The following SH3BP2 variants were observed in gnomAD, a reference collection of about 807,000 sequenced individuals.
SH3BP2 encodes SH3 domain binding protein 2, also known as SH3 domain-binding protein 2.
Under a neutral mutation model 56.2 loss-of-function variants are expected in SH3BP2, and 38 were observed. The ratio of observed to expected loss-of-function variants is 0.68; its 90% CI spans 0.52 to 0.89. The LOEUF is 0.89. SH3BP2 is among the 40% of genes least tolerant of loss of function. The probability of loss-of-function intolerance (pLI) is 0.00; values close to 1 mark genes in which losing one functional copy is unlikely to be tolerated. For synonymous variants in SH3BP2, 346 were observed against 316.7 expected (o/e 1.09, Z -0.98); for missense variants, 748 against 762.6 (o/e 0.98, Z 0.23).
At chr4:2,800,555 C>CA (rs199749118) in intron 1 of SH3BP2, among the ~76,000 whole-genome samples, 52 of 151,768 alleles carry the variant, frequency 3.4e-4, no homozygotes, top group African/African-American at 1.2e-3. Flanking sequence ...GACCGCCCCC[C>CA]CCCCGGGCTG....
chr4:2,818,192 A>G, intron 1 of SH3BP2: 1 of 986,138 alleles, frequency 1.0e-6, no homozygotes. Context: ...AGAGGGGAGG[A>G]GCCGGCGGCT....
At chr4:2,794,465 G>T (rs1349126658) in intron 1 of SH3BP2, among the ~76,000 whole-genome samples, 1 of 152,238 alleles carries the variant, frequency 6.6e-6, no homozygotes, top group Non-Finnish European at 1.5e-5. Context: ...CTCCTGGCAG[G>T]ACAGGAGGCC....
intron 3 of SH3BP2, chr4:2,823,646 G>C: frequency 2.6e-6 from 1 of 389,480 alleles, no homozygotes; most frequent in South Asian, 1.8e-5. Flanking sequence ...CCCACACAAA[G>C]GGTTAATGCT....
chr4:2,836,053 C>T lies in SH3BP2; in HGVS notation c.*2219C>T, dbSNP rs1725221469. Reference sequence around the variant, plus strand: ...TGCTTTATGTCACTTACACGGTCACCTGGAGCCGGCTCAAGTGGCTAAAGC... The same window carrying T: ...TGCTTTATGTCACTTACACGGTCACTTGGAGCCGGCTCAAGTGGCTAAAGC... On this transcript the variant is annotated 3_prime_UTR_variant, in exon 13 of 13. Transcript: ENST00000503393. 6.6e-6 allele frequency: 1 copy of T among 152,232 alleles called. No individual in the cohort carries two copies. Among genetic ancestry groups the T allele is most frequent in the Non-Finnish European group, 1.5e-5 (1 of 68,078 alleles). 9.4% of individuals were successfully genotyped at this position (152,232 alleles called of 1,614,324 possible).
chr4:2,813,748 T>C (rs1216747308), intron 1 of SH3BP2, among the ~76,000 whole-genome samples: 1 of 152,054 alleles, frequency 6.6e-6, no homozygotes, highest in African/African-American at 2.4e-5. Context: ...TGGGTGTGAG[T>C]GTGCACGTAT....
intron 11 of SH3BP2, among the ~76,000 whole-genome samples, chr4:2,832,675 C>T (rs886320460): frequency 3.9e-5 from 6 of 152,204 alleles, no homozygotes; most frequent in Non-Finnish European, 8.8e-5. Flanking sequence ...TGGCGGAGGC[C>T]ACATGGGGCA....
intron 8 of SH3BP2, 70 bp downstream of exon 8, chr4:2,830,217 C>CT: frequency 1.4e-6 from 2 of 1,391,780 alleles, no homozygotes; most frequent in Non-Finnish European, 1.9e-6. Flanking sequence ...CTGACGGGCA[C>CT]TCTGCCCACC....
intron 1 of SH3BP2, among the ~76,000 whole-genome samples, chr4:2,813,887 A>T (rs2108716232): frequency 6.6e-6 from 1 of 152,280 alleles, no homozygotes; most frequent in Middle Eastern, 3.4e-3. Flanking sequence ...GTGTGACAGG[A>T]TGCGCATATA....
In SH3BP2 at chr4:2,829,123, T is replaced by G. The variant is rs1399994811; in HGVS notation, c.587-370T>G. On this transcript the variant is annotated intron_variant, in intron 7 of 12. Transcript: ENST00000503393. The surrounding 1 kb of genome is among the most constrained non-coding windows in gnomAD (Gnocchi z 4.9). ...TTCACCTTCCTCCCAGCTGCTCCCC[T>G]CCCCTGTCCTTGGGAATTCCGTCCT... Among the ~76,000 whole-genome samples, 1 of 152,092 alleles carries G rather than the reference T, an allele frequency of 6.6e-6. No homozygotes were observed. The highest frequency in any genetic ancestry group is 2.4e-5 in the African/African-American group (1 of 41,406).
chr4:2,833,855 A>C lies in SH3BP2; in HGVS notation c.*21A>C. 3 of 1,547,162 alleles carry C rather than the reference A, an allele frequency of 1.9e-6. No individual in the cohort carries two copies. The highest frequency in any genetic ancestry group is 2.6e-6 in the Non-Finnish European group (3 of 1,147,358). ...GGTGATGGCAGTCCATGTGGCTGCC[A>C]GGCCAAGGCAGTCACAGGGGCCCTG... On this transcript the variant is annotated 3_prime_UTR_variant, in exon 13 of 13. Transcript: ENST00000503393.
Position 2,833,907 on chromosome 4 carries a change from G to C in SH3BP2, c.*73G>C. On this transcript the variant is annotated 3_prime_UTR_variant, in exon 13 of 13. Transcript: ENST00000503393. Reference sequence around the variant, plus strand: ...CCCCAGGCCACACAGACGGACATGGGCCCACATGGGAGGGTGAGCAGGAGC... The same window carrying C: ...CCCCAGGCCACACAGACGGACATGGCCCCACATGGGAGGGTGAGCAGGAGC... 6.7e-7 allele frequency: 1 copy of C among 1,482,158 alleles called. No homozygotes were observed. The highest frequency in any genetic ancestry group is 9.0e-7 in the Non-Finnish European group (1 of 1,109,052). 91.8% of individuals were successfully genotyped at this position (1,482,158 alleles called of 1,614,324 possible). A position where few individuals can be genotyped will look rare whatever the true frequency, so the allele number is the denominator to read the frequency against.
intron 1 of SH3BP2, among the ~76,000 whole-genome samples, chr4:2,819,457 T>C (rs1724185107): frequency 6.6e-6 from 1 of 152,104 alleles, no homozygotes. Context: ...TTTATGTATG[T>C]TTTTTGGGGT....
At chr4:2,806,729 C>G (rs1723550363) in intron 1 of SH3BP2, among the ~76,000 whole-genome samples, 2 of 152,264 alleles carry the variant, frequency 1.3e-5, no homozygotes, top group Admixed American at 1.3e-4. Context: ...CTAGGGCAAC[C>G]CTCTTCCAGG....
At chr4:2,825,103 AC>A (rs1724527801) in intron 4 of SH3BP2, 22 bp from the exon 5 acceptor site, 2 of 1,557,374 alleles carry the variant, frequency 1.3e-6, no homozygotes, top group Non-Finnish European at 1.7e-6. Flanking sequence ...CACCGTGCCC[AC>A]CACAGCCCCG....
Position 2,833,843 on chromosome 4 carries a change from C to T in SH3BP2, c.*9C>T. On this transcript the variant is annotated 3_prime_UTR_variant, in exon 13 of 13. Coordinates refer to ENST00000503393, the MANE Select transcript of SH3BP2 (RefSeq NM_001122681.2). ...ACACTGGGCCTAGGTGATGGCAGTCCATGTGGCTGCCAGGCCAAGGCAGTC... is the reference window on the plus strand; with the variant it reads ...ACACTGGGCCTAGGTGATGGCAGTCTATGTGGCTGCCAGGCCAAGGCAGTC... 1 of 1,557,444 alleles carries T rather than the reference C, an allele frequency of 6.4e-7. No individual in the cohort carries two copies. The highest frequency in any genetic ancestry group is 8.7e-7 in the Non-Finnish European group (1 of 1,152,374).
At chr4:2,806,735 C>A (rs1481454720) in intron 1 of SH3BP2, among the ~76,000 whole-genome samples, 1 of 152,248 alleles carries the variant, frequency 6.6e-6, no homozygotes, top group Non-Finnish European at 1.5e-5. Context: ...CAACCCTCTT[C>A]CAGGTGTGGA....
intron 1 of SH3BP2, chr4:2,812,307 A>G: frequency 6.5e-7 from 1 of 1,548,792 alleles, no homozygotes; most frequent in Non-Finnish European, 8.7e-7. Context: ...AGCAGGAGTG[A>G]GCTGTGGGCA....
chr4:2,811,049 C>T (rs1723727689), intron 1 of SH3BP2, among the ~76,000 whole-genome samples: 3 of 152,204 alleles, frequency 2.0e-5, no homozygotes, highest in African/African-American at 7.2e-5. Context: ...CTAAGGAGGC[C>T]CCAGACCTAA....
At position 2,829,730 on chromosome 4, in the gene SH3BP2, G is replaced by A. The variant is rs776446250; in HGVS notation, c.824G>A (p.Arg275Gln). The change falls in exon 8 of 13, where the codon CGA (arginine) becomes CAA (glutamine). Residue 275 changes from arginine to glutamine, a missense_variant. By Grantham distance (43) the Arg-to-Gln change is conservative. Coordinates refer to ENST00000503393, the MANE Select transcript of SH3BP2 (RefSeq NM_001122681.2). The surrounding 1 kb of genome is among the most constrained non-coding windows in gnomAD (Gnocchi z 4.9). ...EPCPRVPATP[R>Q]RMSDPPLSTM... ...TGCCCCAGGGTACCTGCTACCCCCC[G>A]AAGGATGAGCGATCCCCCTCTGAGC... 9 of 1,612,440 alleles carry A rather than the reference G, an allele frequency of 5.6e-6. No individual in the cohort carries two copies. The highest frequency in any genetic ancestry group is 5.5e-5 in the South Asian group (5 of 91,050).
Sources: allele counts gnomAD v4.1 joint callset (sites outside exome capture counted in the v4.1 genomes callset), GRCh38; gene constraint gnomAD v4.1.1; non-coding constraint Gnocchi (gnomAD v3.1); transcripts MANE v1.5; gene names NCBI Gene and HGNC (gene_info 2026-07-23, HGNC 2026-07-21).